Variants in LRP2 observed in about 807,000 individuals in gnomAD.
The protein encoded by LRP2 is LDL receptor related protein 2.
In LRP2, 172 loss-of-function variants were observed where a neutral mutation model predicts 531.0. The observed-to-expected ratio is 0.32, with a 90% CI of 0.29 to 0.37. The LOEUF (loss-of-function observed/expected upper bound fraction) is 0.37. Ranked by LOEUF, LRP2 falls within the 10% of genes least tolerant of loss-of-function variation. The probability of loss-of-function intolerance (pLI) is 1.00; values close to 1 mark genes in which losing one functional copy is unlikely to be tolerated. For missense variants in LRP2, 5,167 were observed against 5,868.3 expected, an observed-to-expected ratio of 0.88 and a Z score of 3.90; for synonymous variants, 1,992 against 2,027.6, an observed-to-expected ratio of 0.98 and a Z score of 0.47.
intron 20 of LRP2, 132 bp from the exon 21 acceptor site, chr2:169,247,118 G>C (rs1021292346): frequency 5.3e-6 from 6 of 1,131,392 alleles, no homozygotes; most frequent in Admixed American, 2.1e-5. Flanking sequence ...GCTTCCTCTT[G>C]GAAATCAACC....
chr2:169,144,408 C>T (rs1398263212), intron 70 of LRP2, among the ~76,000 whole-genome samples: 3 of 112,510 alleles, frequency 2.7e-5, no homozygotes, highest in Non-Finnish European at 5.6e-5. Context: ...TCCACCAGCA[C>T]TTTCCAAAGG....
At chr2:169,222,840 G>A (rs779937299) in intron 33 of LRP2, among the ~76,000 whole-genome samples, 2 of 152,064 alleles carry the variant, frequency 1.3e-5, no homozygotes, top group African/African-American at 4.8e-5. Context: ...GAAACCCTCC[G>A]ATAAGCAAGG....
At chr2:169,299,124 A>T (rs1684212403) in intron 4 of LRP2, among the ~76,000 whole-genome samples, 9 of 103,206 alleles carry the variant, frequency 8.7e-5, no homozygotes, top group Admixed American at 3.0e-4. Context: ...AGAAAGAAAG[A>T]AAGAAAGAAA....
At chr2:169,261,086 G>T (rs1690528196) in intron 16 of LRP2, among the ~76,000 whole-genome samples, 1 of 152,034 alleles carries the variant, frequency 6.6e-6, no homozygotes, top group East Asian at 1.9e-4. Flanking sequence ...AAATGTGGAA[G>T]AAGGGATAGG....
At chr2:169,274,867 T>C (rs774050195) in intron 14 of LRP2, among the ~76,000 whole-genome samples, 169 bp downstream of exon 14, 20 of 152,172 alleles carry the variant, frequency 1.3e-4, no homozygotes, top group Non-Finnish European at 2.6e-4. Context: ...AGAATGCTCC[T>C]AACCTGCAGA....
At chr2:169,299,143 GAAAGAAAGAAAGAAAAAA>G (rs1684219209) in intron 4 of LRP2, among the ~76,000 whole-genome samples, 3 of 50,008 alleles carry the variant, frequency 6.0e-5, no homozygotes, top group Admixed American at 2.3e-4. Context: ...AAGAAAGAAA[GAAAGAAAGAAAGAAAAAA>G]AGAAAGAAAG....
rs1688618124 is a variant in LRP2 at position 169,212,174 on chromosome 2, T to C, written c.6074A>G (p.Asn2025Ser). The C allele has an allele frequency of 6.2e-7, 1 of 1,613,956 alleles. No homozygotes were observed. The highest frequency in any genetic ancestry group is 1.3e-5 in the African/African-American group (1 of 74,914). The stretch of plus-strand genomic sequence containing the variant: ...GCAAATCTGCTGACAGGCATTCATG[T>C]TGTTGCTACAGCCATTTGAGGATTC... ...AAESSNGCSN[N>S]MNACQQICLP... The change falls in exon 37 of 79, where the codon AAC becomes AGC. Residue 2025 changes from asparagine (N) to serine (S), a missense_variant. Physicochemically the swap from Asn to Ser is conservative, Grantham distance 46 (BLOSUM62 1). This residue lies in a region of LRP2 where 2,811 missense variants were observed against 3,058.0 expected (regional missense o/e 0.92). Transcript: ENST00000649046.
At chr2:169,239,822 TG>T in intron 25 of LRP2, 47 bp from the exon 26 acceptor site, 1 of 1,521,730 alleles carries the variant, frequency 6.6e-7, no homozygotes, top group Non-Finnish European at 9.1e-7. Flanking sequence ...CAAGAATCTT[TG>T]CTTCTTTGAT....
At chr2:169,219,114 A>G (rs1435846605) in intron 34 of LRP2, among the ~76,000 whole-genome samples, 1 of 152,208 alleles carries the variant, frequency 6.6e-6, no homozygotes, top group African/African-American at 2.4e-5. Flanking sequence ...TTCGAACCTA[A>G]GACAGTCCTT....
chr2:169,211,834 G>A (rs1688604670), intron 37 of LRP2, 134 bp downstream of exon 37: 1 of 1,231,260 alleles, frequency 8.1e-7, no homozygotes, highest in Admixed American at 1.7e-5. Flanking sequence ...TTTAGGCTGT[G>A]CCAGTTGATT....
At chr2:169,175,128 A>G (rs1687143166) in intron 55 of LRP2, 65 bp downstream of exon 55, 4 of 1,511,560 alleles carry the variant, frequency 2.6e-6, no homozygotes, top group South Asian at 1.1e-5. Context: ...AAATACCCAC[A>G]GAATCATGAT....
intron 59 of LRP2, 114 bp downstream of exon 59, chr2:169,170,437 A>G: frequency 1.2e-6 from 1 of 813,678 alleles, no homozygotes; most frequent in South Asian, 1.3e-5. Context: ...TAAGGTTTAC[A>G]TATTACACAT....
At position 169,279,077 on chromosome 2, in the gene LRP2, C is replaced by T. The variant is rs534659366; in HGVS notation, c.1565+295G>A. ...ATTGAGTTAGAACACAAAATCCAAT[C>T]TCTTAGCTAGGAAAACGTGGCAAAC... On this transcript the variant is annotated intron_variant, in intron 12 of 78. Transcript: ENST00000649046. Among the ~76,000 whole-genome samples, 6 of 152,274 alleles carry T rather than the reference C, an allele frequency of 3.9e-5. No individual in the cohort carries two copies. The East Asian group carries it at 9.6e-4, about 24-fold the overall frequency.
chr2:169,319,145 C>A (rs951563591), intron 2 of LRP2, among the ~76,000 whole-genome samples: 5 of 152,082 alleles, frequency 3.3e-5, no homozygotes, highest in Non-Finnish European at 5.9e-5. Context: ...CACATACACA[C>A]AAAAAAATTA....
chr2:169,188,325 C>G, intron 48 of LRP2, 60 bp from the exon 49 acceptor site: 3 of 1,549,490 alleles, frequency 1.9e-6, no homozygotes, highest in Non-Finnish European at 2.7e-6. Context: ...CAACTATTAC[C>G]CACTTGGGGT....
In LRP2 at chr2:169,244,811, G is replaced by A. The variant is rs188152163; in HGVS notation, c.3312C>T (p.His1104=). The A allele has an allele frequency of 4.2e-5, 68 of 1,614,262 alleles. No homozygotes were observed. The highest frequency in any genetic ancestry group is 1.8e-4 in the East Asian group (8 of 44,894). The stretch of plus-strand genomic sequence containing the variant: ...GGGTGTCAAGGCAGGAAGCAGGTGC[G>A]TGGGTGGGGCAGTTGTGCTCATCAC... The part of the protein sequence containing the change: ...DGSDEHNCPT[H]APASCLDTQY... Residue 1104 remains histidine, a synonymous_variant, in exon 22 of 79, where the codon CAC becomes CAT. Transcript: ENST00000649046.
At chr2:169,266,721 A>G (rs1483839591) in intron 16 of LRP2, among the ~76,000 whole-genome samples, 2 of 152,038 alleles carry the variant, frequency 1.3e-5, no homozygotes, top group African/African-American at 4.8e-5. Flanking sequence ...TGGCATTTAC[A>G]TAGTCCAGCA....
Position 169,212,118 on chromosome 2 carries a change from C to G in LRP2, c.6130G>C (p.Ala2044Pro). Residue 2044 changes from alanine to proline, a missense_variant, in exon 37 of 79, where the codon GCC (alanine) becomes CCC (proline). By Grantham distance (27) the Ala-to-Pro change is conservative (BLOSUM62 -1). Around this residue, in one of 6 missense-constraint regions of LRP2, gnomAD observed 2,811 missense variants for 3,058.0 expected, o/e 0.92. Transcript: ENST00000649046. The stretch of plus-strand genomic sequence containing the variant: ...TTGAGTTTAAATCCAGTGGCACAGG[C>G]GCAGGAAAACAATCCTCCTGGTACA... ...LPVPGGLFSC[A>P]CATGFKLNPD... 6.2e-7 allele frequency: 1 copy of G among 1,613,952 alleles called. No individual in the cohort carries two copies. The highest frequency in any genetic ancestry group is 8.5e-7 in the Non-Finnish European group (1 of 1,179,922).
intron 1 of LRP2, among the ~76,000 whole-genome samples, chr2:169,355,953 T>C (rs1350501170): frequency 2.0e-5 from 3 of 152,208 alleles, no homozygotes; most frequent in Non-Finnish European, 1.5e-5. Flanking sequence ...TGCAGTGGCA[T>C]GATCACAGCT....
Sources: allele counts gnomAD v4.1 joint callset (sites outside exome capture counted in the v4.1 genomes callset), GRCh38; gene constraint gnomAD v4.1.1; regional missense constraint gnomAD v4.1.1; transcripts MANE v1.5; gene names NCBI Gene and HGNC (gene_info 2026-07-23, HGNC 2026-07-21).